Variants in PAFAH1B2 observed in about 807,000 individuals in gnomAD.
PAFAH1B2 encodes platelet-activating factor acetylhydrolase IB subunit alpha2.
In PAFAH1B2, 8 loss-of-function variants were observed where a neutral mutation model predicts 28.0. The ratio of observed to expected loss-of-function variants is 0.29; its 90% CI spans 0.17 to 0.52. The LOEUF is 0.52. PAFAH1B2 is among the 20% of genes least tolerant of loss of function. The pLI, the probability that PAFAH1B2 is intolerant of heterozygous loss-of-function variation, is 0.97. For missense variants in PAFAH1B2, 190 were observed against 282.6 expected (o/e 0.67, Z 2.35); for synonymous variants, 104 against 103.2 (o/e 1.01, Z -0.05).
rs1042417802 is a variant in PAFAH1B2, at chr11:117,169,698, C to G, written c.*1999C>G. 1 of 1,056,540 alleles carries G rather than the reference C, an allele frequency of 9.5e-7. No individual in the cohort carries two copies. Among genetic ancestry groups the G allele is most frequent in the South Asian group, 4.6e-5 (1 of 21,886 alleles). The allele number at this position is 1,056,540 out of a possible 1,614,324, so 65.4% of individuals were successfully genotyped here. ...AACTTGTTTACGACATTAAAAATTT[C>G]CTTTTTATTTTTAGTAGCCCAGGTT... On this transcript the variant is annotated 3_prime_UTR_variant, in exon 6 of 6. Transcript: ENST00000527958.
downstream of PAFAH1B2, among the ~76,000 whole-genome samples, chr11:117,174,341 A>C (rs1211559039): frequency 6.7e-6 from 1 of 149,288 alleles, no homozygotes; most frequent in Non-Finnish European, 1.5e-5. Context: ...CTGCCACCAC[A>C]CCCAGCTAAT....
At chr11:117,177,997 G>A (rs1475633029), downstream of PAFAH1B2, among the ~76,000 whole-genome samples, 1 of 152,132 alleles carries the variant, frequency 6.6e-6, no homozygotes, top group Non-Finnish European at 1.5e-5. Context: ...AAATATCACA[G>A]TGATAAGCGT....
downstream of PAFAH1B2, chr11:117,175,898 T>C (rs1351454956): frequency 1.3e-6 from 2 of 1,535,598 alleles, no homozygotes; most frequent in African/African-American, 2.7e-5. Flanking sequence ...TGTTTCTTAA[T>C]GTTTCAGATT....
intron 3 of PAFAH1B2, among the ~76,000 whole-genome samples, chr11:117,160,349 A>G (rs1013812240): frequency 2.1e-4 from 32 of 152,208 alleles, no homozygotes; most frequent in African/African-American, 7.0e-4. Flanking sequence ...GTATTTGCTA[A>G]TAACATTTAT....
chr11:117,170,119 T>G lies in PAFAH1B2; in HGVS notation c.*2420T>G. On this transcript the variant is annotated 3_prime_UTR_variant, in exon 6 of 6. Transcript: ENST00000527958. The stretch of plus-strand genomic sequence containing the variant: ...TTTTTGCCAGATTTCTTTGCACTAC[T>G]TTAGGTAAAAATAGTTAATCTATTT... 2 of 1,055,128 alleles carry G rather than the reference T, an allele frequency of 1.9e-6. No homozygotes were observed. The highest frequency in any genetic ancestry group is 2.3e-6 in the Non-Finnish European group (2 of 872,974). The allele number at this position is 1,055,128 out of a possible 1,614,324, so 65.4% of individuals were successfully genotyped here. A position where few individuals can be genotyped will look rare whatever the true frequency, so the allele number is the denominator to read the frequency against.
intron 5 of PAFAH1B2, among the ~76,000 whole-genome samples, chr11:117,166,452 C>A (rs1956512610): frequency 6.6e-6 from 1 of 152,082 alleles, no homozygotes; most frequent in South Asian, 2.1e-4. Context: ...TTGGAAATAA[C>A]CTAAATAGTA....
chr11:117,149,033 A>ATTTTTTTTT (rs71037462), intron 1 of PAFAH1B2, among the ~76,000 whole-genome samples: 86 of 118,596 alleles, frequency 7.3e-4, no homozygotes, highest in East Asian at 2.3e-3. Context: ...ACACCTGCCA[A>ATTTTTTTTT]TTTTTTTTTT....
chr11:117,158,459 G>C (rs74499000), intron 2 of PAFAH1B2, among the ~76,000 whole-genome samples: 1 of 152,028 alleles, frequency 6.6e-6, no homozygotes, highest in Non-Finnish European at 1.5e-5. Flanking sequence ...CTAGTTTGCC[G>C]GTGTCTCACA....
At position 117,168,056 on chromosome 11, in the gene PAFAH1B2, T is replaced by C. The variant is rs1473640857; in HGVS notation, c.*357T>C. The C allele has an allele frequency of 2.6e-5, 28 of 1,061,908 alleles. No homozygotes were observed. Among genetic ancestry groups the C allele is most frequent in the South Asian group, 1.4e-4 (3 of 21,966 alleles). The allele number at this position is 1,061,908 out of a possible 1,614,324, so 65.8% of individuals were successfully genotyped here. On this transcript the variant is annotated 3_prime_UTR_variant, in exon 6 of 6. Transcript: ENST00000527958. ...TTCTTTTCTTGGCCTTTCTGTGGATTATGTCATATATAATAATTATCAGAA... is the reference window on the plus strand; with the variant it reads ...TTCTTTTCTTGGCCTTTCTGTGGATCATGTCATATATAATAATTATCAGAA...
intron 1 of PAFAH1B2, 48 bp from the exon 2 acceptor site, chr11:117,152,389 TAACA>T: frequency 9.3e-7 from 1 of 1,080,924 alleles, no homozygotes; most frequent in Non-Finnish European, 1.4e-6. Flanking sequence ...ATTTAAGTGG[TAACA>T]AACCTTCCTG....
At chr11:117,155,395 G>A (rs1430179100) in intron 2 of PAFAH1B2, among the ~76,000 whole-genome samples, 1 of 152,140 alleles carries the variant, frequency 6.6e-6, no homozygotes, top group South Asian at 2.1e-4. Context: ...ATGAAGCATA[G>A]ATACCTTATA....
chr11:117,173,741 T>C (rs905868055), downstream of PAFAH1B2, among the ~76,000 whole-genome samples: 10 of 152,212 alleles, frequency 6.6e-5, no homozygotes, highest in African/African-American at 2.4e-4. Context: ...CTTTAACTGA[T>C]TCCCAATCTA....
chr11:117,149,430 G>GTTTTTTTTTTTTTTTTT lies in PAFAH1B2; in HGVS notation c.-7-2997_-7-2996insTTTTTTTTTTTTTTTTT, dbSNP rs746125678. Among the ~76,000 whole-genome samples, 621 of 86,034 alleles carry GTTTTTTTTTTTTTTTTT rather than the reference G, an allele frequency of 7.2e-3. 138 individuals carry two copies. The highest frequency in any genetic ancestry group is 0.015 in the South Asian group (39 of 2,596). 56.4% of individuals were successfully genotyped at this position (86,034 alleles called of 152,430 possible). On this transcript the variant is annotated intron_variant, in intron 1 of 5. Transcript: ENST00000527958. ...TTAATTTAAAAAAAGTTTTCTAATC[G>GTTTTTTTTTTTTTTTTT]TTTTTTTTTTTTTTGAGATGGAGTC...
Position 117,155,220 on chromosome 11 carries a change from G to A in PAFAH1B2, c.81+2692G>A, listed in dbSNP as rs952982737. Among the ~76,000 whole-genome samples, 7 of 150,936 alleles carry A rather than the reference G, an allele frequency of 4.6e-5. No homozygotes were observed. In the East Asian group the frequency reaches 1.2e-3, roughly 25 times the overall value. Reference sequence around the variant, plus strand: ...TCCACGCACCTTAGCCTCCCAAAATGCTGGGATTACAGGCGTGAGCCACCA... The same window carrying A: ...TCCACGCACCTTAGCCTCCCAAAATACTGGGATTACAGGCGTGAGCCACCA... On this transcript the variant is annotated intron_variant, in intron 2 of 5. Coordinates refer to ENST00000527958, the MANE Select transcript of PAFAH1B2 (RefSeq NM_002572.4).
chr11:117,152,331 C>G, intron 1 of PAFAH1B2, 110 bp from the exon 2 acceptor site: 2 of 662,444 alleles, frequency 3.0e-6, no homozygotes. Flanking sequence ...TGTTTCTAGG[C>G]AAACCACATA....
intron 1 of PAFAH1B2, among the ~76,000 whole-genome samples, chr11:117,147,468 G>C (rs572101261): frequency 6.6e-6 from 1 of 152,218 alleles, no homozygotes; most frequent in African/African-American, 2.4e-5. Context: ...AAAGTGCTGG[G>C]ATTACAGGCA....
Position 117,163,881 on chromosome 11 carries a change from A to G in PAFAH1B2, c.400A>G (p.Ile134Val), listed in dbSNP as rs1469215700. 3 of 1,613,812 alleles carry G rather than the reference A, an allele frequency of 1.9e-6. No individual in the cohort carries two copies. The African/African-American group carries it at 4.0e-5, about 22-fold the overall frequency. ...CAACACAAGGCAGCCACAGGCCAAA[A>G]TCATTGTATTGGTATGTAGTCGTTG... is the stretch of plus-strand genomic sequence containing the variant. ...LINTRQPQAKIIVLGLLPRGE... is the reference protein window; with the variant it reads ...LINTRQPQAKVIVLGLLPRGE... The change falls in exon 5 of 6, where the codon ATC (isoleucine) becomes GTC (valine). Residue 134 changes from isoleucine to valine, a missense_variant. Transcript: ENST00000527958.
chr11:117,162,243 A>G (rs12281009), intron 4 of PAFAH1B2, among the ~76,000 whole-genome samples: 18,163 of 151,988 alleles, frequency 0.12, 1,740 homozygotes, highest in African/African-American at 0.27. Flanking sequence ...GGATGATCCT[A>G]TGGCCTCAGC....
At chr11:117,162,250 C>T (rs1353375121) in intron 4 of PAFAH1B2, among the ~76,000 whole-genome samples, 2 of 152,154 alleles carry the variant, frequency 1.3e-5, no homozygotes, top group African/African-American at 2.4e-5. Context: ...CCTATGGCCT[C>T]AGCCTCCCAA....
Sources: gnomAD v4.1 joint callset for allele counts (sites outside exome capture counted in the v4.1 genomes callset) on GRCh38, gnomAD v4.1.1 for gene constraint, MANE v1.5 for transcripts, NCBI Gene and HGNC (gene_info 2026-07-23, HGNC 2026-07-21) for gene names.